The following AMBRA1 variants were observed in gnomAD, a reference collection of about 807,000 sequenced individuals.
AMBRA1 encodes autophagy and beclin 1 regulator 1.
Under a neutral mutation model 125.4 loss-of-function variants are expected in AMBRA1, and 47 were observed. The ratio of observed to expected loss-of-function variants is 0.37; its 90% CI spans 0.30 to 0.48. The LOEUF is 0.48. Among genes scored for constraint, AMBRA1 ranks in the 20% least tolerant of loss-of-function variants. AMBRA1 has a pLI of 0.99. For synonymous variants in AMBRA1, 626 were observed against 655.5 expected, an observed-to-expected ratio of 0.95 and a Z score of 0.69; for missense variants, 1,331 against 1,693.4, an observed-to-expected ratio of 0.79 and a Z score of 3.76.
rs1489189 is a variant in AMBRA1, at chr11:46,509,714, A to G, written c.2160-1344T>C. On this transcript the variant is annotated intron_variant, in intron 8 of 17. Coordinates refer to ENST00000683756, the MANE Select transcript of AMBRA1 (RefSeq NM_001387011.1). The stretch of plus-strand genomic sequence containing the variant: ...AAGAATGGTCTGTATACACTAATAC[A>G]TATACTAAAATATGTTGCTGTTACT... Among the ~76,000 whole-genome samples the G allele has an allele frequency of 5.4e-3, 822 of 152,316 alleles. 7 individuals are homozygous for G. The highest frequency in any genetic ancestry group is 0.019 in the African/African-American group (792 of 41,574).
chr11:46,515,285 C>A (rs1240884439), intron 7 of AMBRA1, among the ~76,000 whole-genome samples: 1 of 152,110 alleles, frequency 6.6e-6, no homozygotes, highest in African/African-American at 2.4e-5. Context: ...CCAGCCTGGG[C>A]AACATGGTGA....
chr11:46,425,310 TTGTGTGTGTGTGTGTGTG>T (rs34321655), intron 14 of AMBRA1, among the ~76,000 whole-genome samples: 7 of 135,496 alleles, frequency 5.2e-5, no homozygotes, highest in South Asian at 2.4e-4. Context: ...CTTGATCCAT[TTGTGTGTGTGTGTGTGTG>T]TGTGTGTGTG....
intron 17 of AMBRA1, among the ~76,000 whole-genome samples, chr11:46,405,813 C>T (rs568600465): frequency 7.2e-5 from 11 of 151,956 alleles, no homozygotes; most frequent in Non-Finnish European, 1.5e-5. Flanking sequence ...TCACTGCAGT[C>T]GCCACCTTCC....
chr11:46,450,040 C>G (rs1237952056), intron 11 of AMBRA1, among the ~76,000 whole-genome samples: 1 of 144,470 alleles, frequency 6.9e-6, no homozygotes, highest in East Asian at 2.0e-4. Flanking sequence ...GCCTGGGCAA[C>G]AGAGCGAGAC....
At chr11:46,593,446 A>G (rs1043102660) in intron 1 of AMBRA1, among the ~76,000 whole-genome samples, 1 of 152,128 alleles carries the variant, frequency 6.6e-6, no homozygotes, top group African/African-American at 2.4e-5. Context: ...GGCTGGACTC[A>G]GTAGGGGTCC....
At chr11:46,474,636 C>T (rs1398992062) in intron 11 of AMBRA1, among the ~76,000 whole-genome samples, 1 of 152,176 alleles carries the variant, frequency 6.6e-6, no homozygotes, top group Non-Finnish European at 1.5e-5. Context: ...GATCCACCCA[C>T]CTCGGCCTCC....
intron 12 of AMBRA1, among the ~76,000 whole-genome samples, chr11:46,440,407 T>TA (rs1197157366): frequency 6.6e-6 from 1 of 152,214 alleles, no homozygotes; most frequent in Non-Finnish European, 1.5e-5. Context: ...TATATACATA[T>TA]AATATTTCTG....
At chr11:46,511,966 T>C (rs901132625) in intron 8 of AMBRA1, among the ~76,000 whole-genome samples, 1 of 152,222 alleles carries the variant, frequency 6.6e-6, no homozygotes, top group South Asian at 2.1e-4. Context: ...GTGATTCTCC[T>C]GCCTCAGCCT....
At chr11:46,442,798 T>C (rs1287732864) in intron 12 of AMBRA1, among the ~76,000 whole-genome samples, 2 of 152,222 alleles carry the variant, frequency 1.3e-5, no homozygotes, top group African/African-American at 4.8e-5. Context: ...AGTCTTATAA[T>C]ATCACACAGA....
intron 9 of AMBRA1, chr11:46,504,535 G>C (rs1950961253): frequency 6.6e-6 from 1 of 152,234 alleles, no homozygotes. Flanking sequence ...CTTCAGGAGA[G>C]ACCTGCTGAC....
At chr11:46,488,510 T>C (rs1045016355) in intron 11 of AMBRA1, among the ~76,000 whole-genome samples, 17 of 150,492 alleles carry the variant, frequency 1.1e-4, no homozygotes, top group Non-Finnish European at 3.0e-5. Flanking sequence ...AATTCAATAA[T>C]AATAGAGATT....
chr11:46,517,481 T>TG (rs1315568089), intron 7 of AMBRA1, among the ~76,000 whole-genome samples: 5 of 144,828 alleles, frequency 3.5e-5, no homozygotes, highest in African/African-American at 1.3e-4. Flanking sequence ...TTTTTTTTTT[T>TG]TTTTTTTTTT....
At chr11:46,408,369 C>T (rs1946125988) in intron 17 of AMBRA1, 144 bp downstream of exon 17, 2 of 827,034 alleles carry the variant, frequency 2.4e-6, no homozygotes, top group Non-Finnish European at 3.4e-6. Context: ...CTCAGGGAAA[C>T]CATGTCGCTG....
chr11:46,415,114 G>T (rs1450320356), intron 15 of AMBRA1, among the ~76,000 whole-genome samples: 2 of 152,206 alleles, frequency 1.3e-5, no homozygotes, highest in East Asian at 3.9e-4. Flanking sequence ...CCTTGGGAAT[G>T]GGTGTGCCAG....
At chr11:46,439,107 TA>T (rs780131961) in intron 12 of AMBRA1, among the ~76,000 whole-genome samples, 1 of 150,806 alleles carries the variant, frequency 6.6e-6, no homozygotes, top group Non-Finnish European at 1.5e-5. Context: ...CTCATCTCTA[TA>T]AAAAAAAATT....
chr11:46,470,258 T>C (rs922182419), intron 11 of AMBRA1, among the ~76,000 whole-genome samples: 2 of 151,868 alleles, frequency 1.3e-5, no homozygotes, highest in African/African-American at 2.4e-5. Context: ...CTGAGCAACA[T>C]AGGGAGACCC....
At chr11:46,507,303 C>A (rs1260580958) in intron 9 of AMBRA1, among the ~76,000 whole-genome samples, 6 of 150,502 alleles carry the variant, frequency 4.0e-5, no homozygotes, top group Non-Finnish European at 8.9e-5. Flanking sequence ...CATGGTGAAA[C>A]CCCATCTCTA....
chr11:46,494,336 T>C (rs1950560985), intron 9 of AMBRA1, 132 bp from the exon 10 acceptor site: 1 of 663,050 alleles, frequency 1.5e-6, no homozygotes, highest in African/African-American at 1.8e-5. Context: ...GTCATCTGGC[T>C]GCTCACTAAT....
At chr11:46,429,478 A>C (rs1230372118) in intron 14 of AMBRA1, among the ~76,000 whole-genome samples, 1 of 152,202 alleles carries the variant, frequency 6.6e-6, no homozygotes, top group Non-Finnish European at 1.5e-5. Context: ...TGTTGAAAGC[A>C]CTAATCCTTA....
Sources: allele counts gnomAD v4.1 joint callset (sites outside exome capture counted in the v4.1 genomes callset), GRCh38; gene constraint gnomAD v4.1.1; transcripts MANE v1.5; gene names NCBI Gene and HGNC (gene_info 2026-07-23, HGNC 2026-07-21).